PCDHGA11: variants seen among roughly 807,000 people sequenced by gnomAD.
PCDHGA11 encodes the protein protocadherin gamma-A11.
PCDHGA11 carries 39 observed loss-of-function variants against 60.4 expected under a neutral mutation model. The observed-to-expected ratio is 0.65, with a 90% CI of 0.50 to 0.84. The LOEUF (loss-of-function observed/expected upper bound fraction) is 0.84. Among genes scored for constraint, PCDHGA11 ranks in the 40% least tolerant of loss-of-function variants. The pLI is 0.00. For missense variants in PCDHGA11, 1,165 were observed against 1,197.7 expected (o/e 0.97, Z 0.40); for synonymous variants, 533 against 510.3 (o/e 1.04, Z -0.60).
intron 1 of PCDHGA11, among the ~76,000 whole-genome samples, chr5:141,472,122 G>A (rs898092092): frequency 6.6e-6 from 1 of 152,176 alleles, no homozygotes; most frequent in African/African-American, 2.4e-5. Flanking sequence ...GAAAATAAAA[G>A]AGAAGTTAAA....
chr5:141,422,286 T>C lies in PCDHGA11; in HGVS notation c.1059T>C (p.Ser353=). ...CTCCAGAAATAACTATCACCTCTTC[T>C]ATTAATTCAATTCTGGAAAACTCTC... The part of the protein sequence containing the change: ...DNAPEITITS[S]INSILENSPP... Residue 353 remains serine, a synonymous_variant, in exon 1 of 4, where the codon TCT becomes TCC. Coordinates refer to ENST00000398587, the MANE Select transcript of PCDHGA11 (RefSeq NM_018914.3). 1.3e-6 allele frequency: 2 copies of C among 1,554,938 alleles called. No homozygotes were observed. Among genetic ancestry groups the C allele is most frequent in the Non-Finnish European group, 1.7e-6 (2 of 1,157,340 alleles).
intron 1 of PCDHGA11, among the ~76,000 whole-genome samples, chr5:141,472,030 G>A (rs2099269943): frequency 6.6e-6 from 1 of 152,030 alleles, no homozygotes; most frequent in African/African-American, 2.4e-5. Flanking sequence ...TATGTAGAAA[G>A]CTGTGAAAAG....
intron 1 of PCDHGA11, chr5:141,484,876 A>T (rs1461505847): frequency 6.3e-6 from 2 of 315,126 alleles, no homozygotes; most frequent in Admixed American, 9.4e-5. Flanking sequence ...CGTGGAGGAT[A>T]GGGTGGGCTT....
At chr5:141,425,111 A>C (rs2096857405) in intron 1 of PCDHGA11, among the ~76,000 whole-genome samples, 1 of 152,144 alleles carries the variant, frequency 6.6e-6, no homozygotes, top group Non-Finnish European at 1.5e-5. Flanking sequence ...AGATGCCTAC[A>C]TTTTTCTTGA....
intron 1 of PCDHGA11, among the ~76,000 whole-genome samples, chr5:141,444,463 G>T (rs570185430): frequency 6.6e-6 from 1 of 152,144 alleles, no homozygotes; most frequent in Admixed American, 6.5e-5. Flanking sequence ...GAGTCACTGC[G>T]CCCGGTCGCG....
At chr5:141,429,848 C>T (rs567448097) in intron 1 of PCDHGA11, among the ~76,000 whole-genome samples, 25 of 152,228 alleles carry the variant, frequency 1.6e-4, no homozygotes, top group African/African-American at 5.8e-4. Context: ...AAGTCTGTAA[C>T]ATTCTTTGGA....
intron 1 of PCDHGA11, among the ~76,000 whole-genome samples, chr5:141,462,223 G>A (rs563764515): frequency 2.0e-5 from 3 of 152,144 alleles, no homozygotes; most frequent in Admixed American, 2.0e-4. Flanking sequence ...GCCTCCCAAA[G>A]TGCAGGGATT....
Position 141,485,778 on chromosome 5 carries a change from G to C in PCDHGA11, c.2434-9029G>C. 1 of 1,614,216 alleles carries C rather than the reference G, an allele frequency of 6.2e-7. No homozygotes were observed. Among genetic ancestry groups the C allele is most frequent in the Non-Finnish European group, 8.5e-7 (1 of 1,180,048 alleles). On this transcript the variant is annotated intron_variant, in intron 1 of 3. Transcript: ENST00000398587. The surrounding 1 kb of genome is among the most constrained non-coding windows in gnomAD (Gnocchi z 5.7). ...CTGCTCCTGGAGAAGCCTTTGGATCGAGAGAAGCAATCGGACTACCGCCTG... is the reference window on the plus strand; with the variant it reads ...CTGCTCCTGGAGAAGCCTTTGGATCCAGAGAAGCAATCGGACTACCGCCTG...
intron 1 of PCDHGA11, among the ~76,000 whole-genome samples, chr5:141,461,231 T>C (rs1042368465): frequency 6.6e-5 from 10 of 152,068 alleles, no homozygotes; most frequent in African/African-American, 2.4e-4. Context: ...TCCATAGAGG[T>C]TGTACTAATT....
chr5:141,424,140 C>A, intron 1 of PCDHGA11: 1 of 356,082 alleles, frequency 2.8e-6, no homozygotes, highest in Non-Finnish European at 4.1e-6. Flanking sequence ...TAATAGCATG[C>A]TCCCTCTAGC....
At chr5:141,443,166 C>G (rs914863821) in intron 1 of PCDHGA11, among the ~76,000 whole-genome samples, 1 of 152,124 alleles carries the variant, frequency 6.6e-6, no homozygotes, top group African/African-American at 2.4e-5. Flanking sequence ...ATTTCCCTAC[C>G]CATGTCCACT....
chr5:141,445,786 C>A (rs1189294394), intron 1 of PCDHGA11, among the ~76,000 whole-genome samples: 2 of 152,018 alleles, frequency 1.3e-5, no homozygotes, highest in Non-Finnish European at 2.9e-5. Flanking sequence ...GCTAGGGAGG[C>A]TAGAAACAGA....
intron 1 of PCDHGA11, chr5:141,433,151 G>T (rs2097572071): frequency 1.2e-6 from 2 of 1,614,006 alleles, no homozygotes; most frequent in African/African-American, 1.3e-5. Context: ...AGGTGATTCG[G>T]TATTTTCTAA....
At chr5:141,430,448 G>T in intron 1 of PCDHGA11, 1 of 192,294 alleles carries the variant, frequency 5.2e-6, no homozygotes. Flanking sequence ...ATCCCCTTTT[G>T]AAGAACAGTA....
At position 141,498,920 on chromosome 5, in the gene PCDHGA11, G is replaced by A. The variant is rs930391165; in HGVS notation, c.2492+4055G>A. On this transcript the variant is annotated intron_variant, in intron 2 of 3. Transcript: ENST00000398587. ...TGCACTCCAGTCTGGGTGACAGAGC[G>A]AGACTCCATCAGGAAAGAAAGAAAG... 3.3e-4 allele frequency among the ~76,000 whole-genome samples: 47 copies of A among 142,950 alleles called. 1 individual carries two copies. Among genetic ancestry groups the A allele is most frequent in the African/African-American group, 8.9e-4 (35 of 39,160 alleles). The allele number at this position is 142,950 out of a possible 152,430, so 93.8% of individuals were successfully genotyped here. A position where few individuals can be genotyped will look rare whatever the true frequency, so the allele number is the denominator to read the frequency against.
intron 2 of PCDHGA11, among the ~76,000 whole-genome samples, chr5:141,500,428 C>G (rs1224554560): frequency 6.6e-6 from 1 of 151,836 alleles, no homozygotes; most frequent in African/African-American, 2.4e-5. Context: ...CCAGGATGGT[C>G]TCGATCTCCT....
Position 141,477,598 on chromosome 5 carries a change from C to A in PCDHGA11, c.2434-17209C>A. The A allele has an allele frequency of 6.2e-7, 1 of 1,614,180 alleles. No homozygotes were observed. The highest frequency in any genetic ancestry group is 8.5e-7 in the Non-Finnish European group (1 of 1,180,030). ...CCCCGCAGAATGCTCGGCTTTCTTT[C>A]TTTCTCTTGGAGCAAGGAGCTGAAA... On this transcript the variant is annotated intron_variant, in intron 1 of 3. Transcript: ENST00000398587. This position sits in a 1 kb window ranked among gnomAD's most constrained non-coding sequence, Gnocchi z 4.9.
At chr5:141,470,037 G>C (rs76537989) in intron 1 of PCDHGA11, among the ~76,000 whole-genome samples, 14 of 152,138 alleles carry the variant, frequency 9.2e-5, no homozygotes, top group Non-Finnish European at 1.5e-4. Flanking sequence ...GCTGAGGCGC[G>C]AGAACTGTTT....
At chr5:141,427,191 G>A (rs749528616) in intron 1 of PCDHGA11, 1 of 456,716 alleles carries the variant, frequency 2.2e-6, no homozygotes, top group South Asian at 1.5e-5. Flanking sequence ...TAAATCCAAA[G>A]ACTTAATAGA....
Sources: allele counts gnomAD v4.1 joint callset (sites outside exome capture counted in the v4.1 genomes callset), GRCh38; gene constraint gnomAD v4.1.1; non-coding constraint Gnocchi (gnomAD v3.1); transcripts MANE v1.5; gene names NCBI Gene and HGNC (gene_info 2026-07-23, HGNC 2026-07-21).